KLHL29: variants seen among roughly 807,000 people sequenced by gnomAD.
The protein encoded by KLHL29 is kelch-like protein 29.
Under a neutral mutation model 80.4 loss-of-function variants are expected in KLHL29, and 21 were observed. That is an observed-to-expected ratio of 0.26 (90% confidence interval 0.19 to 0.38). KLHL29 has a LOEUF of 0.38. Ranked by LOEUF, KLHL29 falls within the 10% of genes least tolerant of loss-of-function variation. KLHL29 has a pLI of 1.00. For missense variants in KLHL29, 867 were observed against 1,223.9 expected, an observed-to-expected ratio of 0.71 and a Z score of 4.35; for synonymous variants, 511 against 526.8, an observed-to-expected ratio of 0.97 and a Z score of 0.41.
At chr2:23,404,367 G>T (rs892993362) in intron 1 of KLHL29, among the ~76,000 whole-genome samples, 4 of 152,180 alleles carry the variant, frequency 2.6e-5, no homozygotes, top group Non-Finnish European at 2.9e-5. Context: ...ATCAGAACTT[G>T]CATTGCTAAG....
chr2:23,539,653 G>C (rs1434239159), intron 2 of KLHL29, among the ~76,000 whole-genome samples: 1 of 151,758 alleles, frequency 6.6e-6, no homozygotes, highest in Non-Finnish European at 1.5e-5. Flanking sequence ...TGTTGCCTAG[G>C]CTGGTCTTGA....
At chr2:23,403,943 A>G (rs1353253992) in intron 1 of KLHL29, among the ~76,000 whole-genome samples, 2 of 152,130 alleles carry the variant, frequency 1.3e-5, no homozygotes, top group Non-Finnish European at 1.5e-5. Flanking sequence ...GAGACTTTGC[A>G]TCCTTTCTCA....
chr2:23,554,116 G>A (rs1000057867), intron 2 of KLHL29, among the ~76,000 whole-genome samples: 1 of 152,192 alleles, frequency 6.6e-6, no homozygotes, highest in Admixed American at 6.5e-5. Context: ...AGGCATTTCC[G>A]AAGGGCATCC....
intron 6 of KLHL29, chr2:23,689,861 G>A (rs1426264041): frequency 1.3e-5 from 2 of 152,284 alleles, no homozygotes; most frequent in Non-Finnish European, 2.9e-5. Flanking sequence ...AAGCCACCGA[G>A]GTATGGAAAT....
chr2:23,672,083 T>C (rs1233805899), intron 5 of KLHL29: 1 of 152,234 alleles, frequency 6.6e-6, no homozygotes. Context: ...TGGGGGAGCA[T>C]AGCTTTGCAA....
intron 3 of KLHL29, among the ~76,000 whole-genome samples, chr2:23,626,669 G>C (rs1034444687): frequency 6.6e-6 from 1 of 152,204 alleles, no homozygotes; most frequent in African/African-American, 2.4e-5. Context: ...TGGGGTGGGA[G>C]GGGGGCCGCG....
chr2:23,692,606 G>A (rs549398736), intron 7 of KLHL29, among the ~76,000 whole-genome samples: 143 of 152,284 alleles, frequency 9.4e-4, no homozygotes, highest in African/African-American at 3.1e-3. Flanking sequence ...AGTGAGGCTC[G>A]CGCACAGATG....
rs537029275 is a variant in KLHL29, at chr2:23,478,347, G to A, written c.-46+2680G>A. On this transcript the variant is annotated intron_variant, in intron 2 of 13. Transcript: ENST00000486442. ...ATTTCCAAGATGATAGGAAGGTTCCGAGGCCCCTAGATGGTTCTGTGACCC... is the reference window on the plus strand; with the variant it reads ...ATTTCCAAGATGATAGGAAGGTTCCAAGGCCCCTAGATGGTTCTGTGACCC... 7.9e-5 allele frequency among the ~76,000 whole-genome samples: 12 copies of A among 152,222 alleles called. No individual in the cohort carries two copies. The East Asian group carries it at 1.2e-3, about 15-fold the overall frequency.
intron 3 of KLHL29, among the ~76,000 whole-genome samples, chr2:23,566,919 C>G (rs1667602009): frequency 6.6e-6 from 1 of 152,224 alleles, no homozygotes; most frequent in African/African-American, 2.4e-5. Flanking sequence ...AACCTGTCCC[C>G]CCCTGGTGGT....
At chr2:23,540,012 T>G (rs1254245786) in intron 2 of KLHL29, among the ~76,000 whole-genome samples, 17 of 152,168 alleles carry the variant, frequency 1.1e-4, no homozygotes, top group Admixed American at 8.5e-4. Context: ...CCACCAGCCC[T>G]GTGAGTTGAC....
rs1273819962 is a variant in KLHL29 at position 23,385,706 on chromosome 2, C to T, written c.-228C>T. On this transcript the variant is annotated 5_prime_UTR_variant, in exon 1 of 14. Coordinates refer to ENST00000486442, the MANE Select transcript of KLHL29 (RefSeq NM_052920.2). ...CTACCCGCCGGCGCTGTCCGCTCTCCATCAGCCCTCCTGCGCCCACCCGCG... is the reference window on the plus strand; with the variant it reads ...CTACCCGCCGGCGCTGTCCGCTCTCTATCAGCCCTCCTGCGCCCACCCGCG... 2 of 164,474 alleles carry T rather than the reference C, an allele frequency of 1.2e-5. No homozygotes were observed. The highest frequency in any genetic ancestry group is 2.9e-5 in the Non-Finnish European group (2 of 68,144). 10.2% of individuals were successfully genotyped at this position (164,474 alleles called of 1,614,324 possible). A position where few individuals can be genotyped will look rare whatever the true frequency, so the allele number is the denominator to read the frequency against.
At chr2:23,672,278 A>T (rs1170678310) in intron 5 of KLHL29, 2 of 152,418 alleles carry the variant, frequency 1.3e-5, no homozygotes, top group Non-Finnish European at 2.9e-5. Flanking sequence ...GATTGTCCCC[A>T]GTAGGAAGGG....
intron 7 of KLHL29, 31 bp from the exon 8 acceptor site, chr2:23,693,238 T>G: frequency 6.6e-7 from 1 of 1,523,976 alleles, no homozygotes; most frequent in African/African-American, 1.4e-5. Flanking sequence ...CCCGGGCCTT[T>G]GGGTCAGTGG....
intron 6 of KLHL29, chr2:23,685,465 G>A (rs1367134981): frequency 2.6e-5 from 4 of 152,300 alleles, no homozygotes; most frequent in African/African-American, 9.6e-5. Context: ...TGCTCAGAGG[G>A]AGGACAGGAC....
At chr2:23,387,230 G>T (rs1666207984) in intron 1 of KLHL29, among the ~76,000 whole-genome samples, 1 of 152,234 alleles carries the variant, frequency 6.6e-6, no homozygotes, top group Non-Finnish European at 1.5e-5. Flanking sequence ...TTCCACTTCG[G>T]CAGCTCAGCG....
At chr2:23,692,123 G>A (rs923370062) in intron 7 of KLHL29, among the ~76,000 whole-genome samples, 1 of 152,230 alleles carries the variant, frequency 6.6e-6, no homozygotes, top group Non-Finnish European at 1.5e-5. Context: ...GGCATACTGT[G>A]CCCCGCCAGG....
At chr2:23,590,759 C>G (rs2103515822) in intron 3 of KLHL29, among the ~76,000 whole-genome samples, 1 of 152,292 alleles carries the variant, frequency 6.6e-6, no homozygotes, top group Admixed American at 6.5e-5. Context: ...CCAAGCAAGG[C>G]AGGGAGAGTG....
chr2:23,664,017 G>A (rs932340672), intron 5 of KLHL29, among the ~76,000 whole-genome samples: 1 of 152,134 alleles, frequency 6.6e-6, no homozygotes, highest in Admixed American at 6.5e-5. Flanking sequence ...GGACTGGGGC[G>A]CCTGGCACAC....
chr2:23,515,474 T>G (rs1665892573), intron 2 of KLHL29, among the ~76,000 whole-genome samples: 1 of 152,244 alleles, frequency 6.6e-6, no homozygotes, highest in Non-Finnish European at 1.5e-5. Flanking sequence ...CTCCAGGAAG[T>G]CTTTTCCAGC....
Sources: gnomAD v4.1 joint callset for allele counts (sites outside exome capture counted in the v4.1 genomes callset) on GRCh38, gnomAD v4.1.1 for gene constraint, MANE v1.5 for transcripts, NCBI Gene and HGNC (gene_info 2026-07-23, HGNC 2026-07-21) for gene names.